FZD6: variants seen among roughly 807,000 people sequenced by gnomAD.
FZD6 encodes the protein frizzled class receptor 6.
A neutral mutation model predicts 61.4 loss-of-function variants in FZD6; 49 were observed. The ratio of observed to expected loss-of-function variants is 0.80; its 90% CI spans 0.63 to 1.01. The LOEUF is 1.01. FZD6 is among the 50% of genes least tolerant of loss of function. FZD6 has a pLI of 0.00. For synonymous variants in FZD6, 265 were observed against 292.2 expected (o/e 0.91, Z 0.95); for missense variants, 724 against 848.2 (o/e 0.85, Z 1.82).
chr8:103,323,587 C>G (rs954276055), intron 3 of FZD6, among the ~76,000 whole-genome samples: 3 of 151,996 alleles, frequency 2.0e-5, no homozygotes, highest in African/African-American at 4.8e-5. Flanking sequence ...CCTGTCACCA[C>G]GCCCAGCTAA....
At chr8:103,299,343 A>G (rs566728282) in intron 1 of FZD6, among the ~76,000 whole-genome samples, 13 of 152,316 alleles carry the variant, frequency 8.5e-5, no homozygotes, top group Non-Finnish European at 1.3e-4. Flanking sequence ...CCGCAAGGGG[A>G]CTGCCTTCGC....
intron 2 of FZD6, among the ~76,000 whole-genome samples, chr8:103,301,064 G>C (rs1326289309): frequency 6.6e-6 from 1 of 152,132 alleles, no homozygotes; most frequent in African/African-American, 2.4e-5. Context: ...CAGAAAAACA[G>C]AATAGTAAAG....
intron 3 of FZD6, among the ~76,000 whole-genome samples, chr8:103,322,033 A>G (rs1394379412): frequency 6.6e-6 from 1 of 152,198 alleles, no homozygotes; most frequent in Non-Finnish European, 1.5e-5. Flanking sequence ...GTGATTTATC[A>G]GAGGCCTTTC....
intron 2 of FZD6, among the ~76,000 whole-genome samples, chr8:103,315,760 T>TCAGC (rs953720066): frequency 7.2e-5 from 11 of 152,280 alleles, no homozygotes; most frequent in Admixed American, 6.5e-4. Context: ...TTATCATACA[T>TCAGC]CAGCTATACC....
chr8:103,305,935 T>G (rs945482554), intron 2 of FZD6, among the ~76,000 whole-genome samples: 1 of 152,266 alleles, frequency 6.6e-6, no homozygotes, highest in African/African-American at 2.4e-5. Context: ...ATGTGGCATG[T>G]AAATAATGAA....
intron 4 of FZD6, among the ~76,000 whole-genome samples, chr8:103,326,765 A>G (rs989566997): frequency 3.3e-5 from 5 of 151,742 alleles, no homozygotes; most frequent in Admixed American, 2.0e-4. Flanking sequence ...TGCATATGAC[A>G]TCATAGCTGA....
intron 2 of FZD6, among the ~76,000 whole-genome samples, chr8:103,300,618 T>G (rs1395238419): frequency 6.6e-6 from 1 of 152,230 alleles, no homozygotes; most frequent in Non-Finnish European, 1.5e-5. Flanking sequence ...AATATTTTTC[T>G]ACTTCACTGA....
intron 5 of FZD6, among the ~76,000 whole-genome samples, chr8:103,329,013 T>TTATATATATATATATATATA (rs55730772): frequency 0.035 from 3,967 of 114,798 alleles, 165 homozygotes; most frequent in African/African-American, 0.052. Context: ...CATTTTAGTT[T>TTATATATATATATATATATA]TATATATATA....
chr8:103,317,857 A>G (rs1329845975), intron 2 of FZD6, among the ~76,000 whole-genome samples: 1 of 151,782 alleles, frequency 6.6e-6, no homozygotes, highest in African/African-American at 2.4e-5. Context: ...AAAGAAAGAA[A>G]GAAAAAAGAA....
Position 103,329,805 on chromosome 8 carries a change from T to G in FZD6, c.1692T>G (p.Ala564=). ...ISKSMGTSTG[A]TANHGTSAVA... is the part of the protein sequence containing the mutation. ...AATCCATGGGAACCAGCACAGGAGC[T>G]ACAGCAAATCATGGCACTTCTGCAG... The change falls in exon 6 of 7, where the codon GCT becomes GCG. Residue 564 remains alanine (A), a synonymous_variant. Transcript: ENST00000358755. The G allele has an allele frequency of 1.2e-6, 2 of 1,614,194 alleles. No individual in the cohort carries two copies. Among genetic ancestry groups the G allele is most frequent in the Non-Finnish European group, 1.7e-6 (2 of 1,180,010 alleles).
intron 2 of FZD6, among the ~76,000 whole-genome samples, chr8:103,303,261 C>T (rs1773834250): frequency 6.6e-6 from 1 of 152,192 alleles, no homozygotes; most frequent in African/African-American, 2.4e-5. Context: ...CTGTCCATCA[C>T]CTCTGTATCT....
intron 2 of FZD6, among the ~76,000 whole-genome samples, chr8:103,308,453 T>G (rs1172395542): frequency 6.6e-6 from 1 of 152,094 alleles, no homozygotes; most frequent in African/African-American, 2.4e-5. Context: ...AGACCATCTT[T>G]CTACTGATAA....
At chr8:103,320,205 G>C (rs1426540393) in intron 3 of FZD6, among the ~76,000 whole-genome samples, 5 of 152,182 alleles carry the variant, frequency 3.3e-5, no homozygotes, top group Non-Finnish European at 5.9e-5. Context: ...CCTCTGTTGT[G>C]AGTCTGGGAA....
chr8:103,300,988 G>A (rs1446341006), intron 2 of FZD6, among the ~76,000 whole-genome samples: 1 of 152,292 alleles, frequency 6.6e-6, no homozygotes, highest in Admixed American at 6.5e-5. Flanking sequence ...TTCCCATACA[G>A]ATTTGTTAGG....
chr8:103,314,924 A>G (rs1563688449), intron 2 of FZD6, among the ~76,000 whole-genome samples: 1 of 152,202 alleles, frequency 6.6e-6, no homozygotes. Flanking sequence ...ATTTCAAAGT[A>G]TATGTGTTGC....
At chr8:103,327,426 C>T (rs1814982721) in intron 4 of FZD6, among the ~76,000 whole-genome samples, 2 of 152,204 alleles carry the variant, frequency 1.3e-5, no homozygotes, top group Middle Eastern at 3.4e-3. Context: ...AAAACCCTGT[C>T]TCTACTAAAA....
intron 2 of FZD6, among the ~76,000 whole-genome samples, chr8:103,310,727 G>A (rs1286946426): frequency 6.6e-6 from 1 of 152,182 alleles, no homozygotes; most frequent in African/African-American, 2.4e-5. Flanking sequence ...GCACTCATTT[G>A]ATCTCCCACA....
chr8:103,319,027 T>C (rs1238968322), intron 3 of FZD6, among the ~76,000 whole-genome samples: 2 of 152,188 alleles, frequency 1.3e-5, no homozygotes. Flanking sequence ...CAAATAATTA[T>C]GCAAATAAGT....
intron 1 of FZD6, among the ~76,000 whole-genome samples, chr8:103,299,317 G>T (rs1340522650): frequency 6.6e-6 from 1 of 152,222 alleles, no homozygotes; most frequent in Admixed American, 6.5e-5. Context: ...GTAATCCGGG[G>T]CCTACAGCCT....
Sources: gnomAD v4.1 joint callset for allele counts (sites outside exome capture counted in the v4.1 genomes callset) on GRCh38, gnomAD v4.1.1 for gene constraint, MANE v1.5 for transcripts, NCBI Gene and HGNC (gene_info 2026-07-23, HGNC 2026-07-21) for gene names.